PCDHA6: variants seen among roughly 807,000 people sequenced by gnomAD.
The protein encoded by PCDHA6 is protocadherin alpha 6, also known as protocadherin alpha-6.
Under a neutral mutation model 60.3 loss-of-function variants are expected in PCDHA6, and 55 were observed. That is an observed-to-expected ratio of 0.91 (90% CI 0.73 to 1.14). PCDHA6 has a LOEUF of 1.14. Ranked by LOEUF, PCDHA6 falls within the 50% of genes most tolerant of loss-of-function variation. The pLI is 0.00. For missense variants in PCDHA6, 1,327 were observed against 1,256.5 expected, an observed-to-expected ratio of 1.06 and a Z score of -0.85; for synonymous variants, 652 against 557.9, an observed-to-expected ratio of 1.17 and a Z score of -2.38.
intron 2 of PCDHA6, among the ~76,000 whole-genome samples, chr5:140,980,159 A>G (rs2153821002): frequency 6.6e-6 from 1 of 152,326 alleles, no homozygotes; most frequent in Admixed American, 6.5e-5. Context: ...ATACCAGAAT[A>G]TTAGGTATCA....
chr5:140,843,218 A>C, intron 1 of PCDHA6: 1 of 1,596,010 alleles, frequency 6.3e-7, no homozygotes, highest in Non-Finnish European at 8.6e-7. Context: ...CGAGATCAGC[A>C]CCACTCGTGT....
At chr5:140,928,165 C>T (rs1554205580) in intron 1 of PCDHA6, 3 of 1,614,200 alleles carry the variant, frequency 1.9e-6, no homozygotes, top group East Asian at 2.2e-5. Context: ...CTCACCCCCA[C>T]TTAGCACCCG....
chr5:140,856,364 G>A (rs782661319), intron 1 of PCDHA6: 1 of 1,598,600 alleles, frequency 6.3e-7, no homozygotes, highest in Non-Finnish European at 8.6e-7. Context: ...CATCCACCTG[G>A]AGGTGATCGT....
At chr5:140,870,715 G>C in intron 1 of PCDHA6, 1 of 1,613,128 alleles carries the variant, frequency 6.2e-7, no homozygotes, top group Non-Finnish European at 8.5e-7. Context: ...GAGCGCGCGC[G>C]ATGCGGGCGT....
intron 1 of PCDHA6, among the ~76,000 whole-genome samples, chr5:140,958,944 T>G (rs199974895): frequency 1.0e-5 from 1 of 100,018 alleles, no homozygotes; most frequent in African/African-American, 4.8e-5. Context: ...TGTAATAATA[T>G]TATATTATTA....
chr5:140,882,877 G>A, intron 1 of PCDHA6: 1 of 1,614,208 alleles, frequency 6.2e-7, no homozygotes, highest in Non-Finnish European at 8.5e-7. Context: ...TGGACAGAGA[G>A]GAAATTCAGG....
intron 1 of PCDHA6, among the ~76,000 whole-genome samples, chr5:140,976,067 T>C (rs1554237245): frequency 6.6e-6 from 1 of 152,218 alleles, no homozygotes; most frequent in Non-Finnish European, 1.5e-5. Flanking sequence ...ATATATGTCT[T>C]ACTGTGTCAG....
intron 1 of PCDHA6, chr5:140,867,710 G>A (rs2050114623): frequency 6.6e-6 from 1 of 151,674 alleles, no homozygotes; most frequent in Non-Finnish European, 1.5e-5. Context: ...AAATCCTAAG[G>A]GTATATGAAA....
At position 140,838,838 on chromosome 5, in the gene PCDHA6, C is replaced by T. The variant is rs1484620027; in HGVS notation, c.2394+8353C>T. Among the ~76,000 whole-genome samples the T allele has an allele frequency of 2.0e-5, 3 of 151,902 alleles. No homozygotes were observed. In the East Asian group the frequency reaches 5.8e-4, roughly 29 times the overall value. On this transcript the variant is annotated intron_variant, in intron 1 of 3. Coordinates refer to ENST00000529310, the MANE Select transcript of PCDHA6 (RefSeq NM_018909.4). ...TCAAGAAACTGAGGTGGGAGGATCACTTAAGCCAGGGAGGTCCAAGCTGCA... is the reference window on the plus strand; with the variant it reads ...TCAAGAAACTGAGGTGGGAGGATCATTTAAGCCAGGGAGGTCCAAGCTGCA...
chr5:140,875,738 G>A (rs1197047985), intron 1 of PCDHA6: 2 of 1,614,204 alleles, frequency 1.2e-6, no homozygotes, highest in Non-Finnish European at 1.7e-6. Context: ...GTGAATTCTC[G>A]GATCGACCGC....
At chr5:140,881,918 A>G (rs1263343700) in intron 1 of PCDHA6, 3 of 252,356 alleles carry the variant, frequency 1.2e-5, no homozygotes, top group Non-Finnish European at 2.3e-5. Flanking sequence ...TGTTGAGCAG[A>G]ATGCAGTGAT....
rs781845787 is a variant in PCDHA6, at chr5:140,884,003, G to C, written c.2394+53518G>C. 7.4e-6 allele frequency: 12 copies of C among 1,613,086 alleles called. No homozygotes were observed. In the South Asian group the frequency reaches 1.3e-4, roughly 18 times the overall value. ...TGGCAGCGCGGGAGGCACAGTGAGC[G>C]AGCTGATGCCGCGGTCGGTGGGTGC... On this transcript the variant is annotated intron_variant, in intron 1 of 3. Transcript: ENST00000529310.
At chr5:140,883,106 T>C (rs782515785) in intron 1 of PCDHA6, 3 of 1,614,124 alleles carry the variant, frequency 1.9e-6, no homozygotes, top group Non-Finnish European at 2.5e-6. Context: ...TATAGTTTAC[T>C]CATTTAGAAG....
chr5:141,007,498 G>A (rs936217793), intron 3 of PCDHA6, among the ~76,000 whole-genome samples: 1 of 151,942 alleles, frequency 6.6e-6, no homozygotes. Flanking sequence ...GACCTAGGAG[G>A]CAGAGACTGC....
intron 1 of PCDHA6, among the ~76,000 whole-genome samples, chr5:140,846,545 T>G (rs1374856613): frequency 6.7e-6 from 1 of 148,364 alleles, no homozygotes; most frequent in Non-Finnish European, 1.5e-5. Context: ...CTGCTAATTT[T>G]TTGTATTTTT....
chr5:140,972,479 C>T (rs782631191), intron 1 of PCDHA6, among the ~76,000 whole-genome samples: 1 of 151,994 alleles, frequency 6.6e-6, no homozygotes, highest in Non-Finnish European at 1.5e-5. Flanking sequence ...CAGCATTTAA[C>T]CCCAGACTCT....
At chr5:141,005,302 G>T (rs940194498) in intron 3 of PCDHA6, among the ~76,000 whole-genome samples, 1 of 152,160 alleles carries the variant, frequency 6.6e-6, no homozygotes, top group Non-Finnish European at 1.5e-5. Context: ...TTGCCTTTGT[G>T]AATCTTACAG....
chr5:140,882,049 T>C, intron 1 of PCDHA6: 1 of 752,814 alleles, frequency 1.3e-6, no homozygotes, highest in Non-Finnish European at 2.1e-6. Flanking sequence ...TGAGTCATAC[T>C]TACACTTACA....
At chr5:140,970,909 A>G (rs1356718314) in intron 1 of PCDHA6, among the ~76,000 whole-genome samples, 1 of 152,180 alleles carries the variant, frequency 6.6e-6, no homozygotes, top group African/African-American at 2.4e-5. Context: ...AGATTTATTC[A>G]TTTATCAGAA....
Sources: gnomAD v4.1 joint callset for allele counts (sites outside exome capture counted in the v4.1 genomes callset) on GRCh38, gnomAD v4.1.1 for gene constraint, MANE v1.5 for transcripts, NCBI Gene and HGNC (gene_info 2026-07-23, HGNC 2026-07-21) for gene names.